The following OXR1 variants were observed in gnomAD, a reference collection of about 807,000 sequenced individuals.
OXR1 encodes the protein oxidation resistance protein 1.
A neutral mutation model predicts 104.6 loss-of-function variants in OXR1; 41 were observed. The observed-to-expected ratio is 0.39, with a 90% CI of 0.31 to 0.51. OXR1 has a LOEUF of 0.51. OXR1 is among the 20% of genes least tolerant of loss of function. The pLI is 0.77. For missense variants in OXR1, 955 were observed against 1,031.9 expected (o/e 0.93, Z 1.02); for synonymous variants, 348 against 348.4 (o/e 1.00, Z 0.01).
chr8:106,526,941 A>G (rs753862615), intron 3 of OXR1, among the ~76,000 whole-genome samples: 1 of 152,138 alleles, frequency 6.6e-6, no homozygotes, highest in Non-Finnish European at 1.5e-5. Flanking sequence ...AAGGCCATGA[A>G]AGCTGTGTAG....
intron 2 of OXR1, among the ~76,000 whole-genome samples, chr8:106,427,157 C>A (rs1233137232): frequency 1.3e-5 from 2 of 151,944 alleles, no homozygotes; most frequent in Non-Finnish European, 2.9e-5. Flanking sequence ...ACTCATCTCT[C>A]CTCATGAATT....
intron 8 of OXR1, among the ~76,000 whole-genome samples, chr8:106,705,150 CTT>C (rs1831024418): frequency 1.3e-5 from 2 of 152,260 alleles, no homozygotes; most frequent in South Asian, 4.1e-4. Context: ...ATGTTTATCT[CTT>C]ACCTAAGGGT....
At chr8:106,290,397 G>T (rs1027227730) in intron 1 of OXR1, among the ~76,000 whole-genome samples, 2 of 152,150 alleles carry the variant, frequency 1.3e-5, no homozygotes, top group African/African-American at 4.8e-5. Context: ...CTTTGGCAAA[G>T]AATGTTTTGC....
chr8:106,387,047 C>T (rs1272206421), intron 2 of OXR1, among the ~76,000 whole-genome samples: 1 of 152,070 alleles, frequency 6.6e-6, no homozygotes, highest in Non-Finnish European at 1.5e-5. Flanking sequence ...ACAGAAAGGA[C>T]AAGAGTTAGC....
chr8:106,589,823 TG>T (rs1395492950), intron 3 of OXR1, among the ~76,000 whole-genome samples: 2 of 152,228 alleles, frequency 1.3e-5, no homozygotes, highest in Non-Finnish European at 2.9e-5. Context: ...TATGCCACCA[TG>T]CCCGACTAAT....
At chr8:106,443,312 A>C (rs1819870504) in intron 2 of OXR1, among the ~76,000 whole-genome samples, 1 of 151,940 alleles carries the variant, frequency 6.6e-6, no homozygotes, top group Admixed American at 6.6e-5. Context: ...TTTGCTGAGG[A>C]TCATTTTACT....
intron 3 of OXR1, among the ~76,000 whole-genome samples, chr8:106,668,893 G>A (rs953254474): frequency 3.9e-5 from 6 of 152,102 alleles, no homozygotes; most frequent in East Asian, 3.9e-4. Context: ...TGTGTTGTGC[G>A]TGCAAATCAA....
intron 11 of OXR1, chr8:106,726,261 T>TG: frequency 6.5e-7 from 1 of 1,528,174 alleles, no homozygotes; most frequent in Non-Finnish European, 8.8e-7. Flanking sequence ...GTCTCTGGTA[T>TG]GGGAAAAAAG....
chr8:106,670,691 T>A (rs1357882750), intron 3 of OXR1, among the ~76,000 whole-genome samples: 1 of 151,812 alleles, frequency 6.6e-6, no homozygotes, highest in African/African-American at 2.4e-5. Context: ...GAAAGGTAAG[T>A]CAAAAGGGAA....
At chr8:106,622,922 T>C (rs1399944499) in intron 3 of OXR1, among the ~76,000 whole-genome samples, 1 of 152,238 alleles carries the variant, frequency 6.6e-6, no homozygotes, top group Non-Finnish European at 1.5e-5. Flanking sequence ...ATTTGTTGAA[T>C]ATATCCTCAG....
chr8:106,551,283 G>T (rs1372671040), intron 3 of OXR1, among the ~76,000 whole-genome samples: 1 of 152,102 alleles, frequency 6.6e-6, no homozygotes, highest in Non-Finnish European at 1.5e-5. Flanking sequence ...CTCAATAATT[G>T]CTGTGATTAG....
intron 11 of OXR1, among the ~76,000 whole-genome samples, chr8:106,725,624 C>G (rs1490946248): frequency 6.6e-6 from 1 of 152,152 alleles, no homozygotes; most frequent in Non-Finnish European, 1.5e-5. Flanking sequence ...GAGGGATTTT[C>G]AGGTCACTTT....
intron 11 of OXR1, among the ~76,000 whole-genome samples, chr8:106,735,343 A>G (rs943535690): frequency 6.6e-6 from 1 of 152,114 alleles, no homozygotes; most frequent in African/African-American, 2.4e-5. Context: ...TTGAAAGAGT[A>G]GATTTGTGAC....
intron 2 of OXR1, among the ~76,000 whole-genome samples, chr8:106,518,575 G>A (rs1171391725): frequency 6.6e-6 from 1 of 152,044 alleles, no homozygotes; most frequent in Admixed American, 6.6e-5. Flanking sequence ...TCTTTTTGGA[G>A]TTAACATTTA....
At chr8:106,299,223 A>G (rs774376058) in intron 1 of OXR1, among the ~76,000 whole-genome samples, 2 of 151,798 alleles carry the variant, frequency 1.3e-5, no homozygotes, top group Non-Finnish European at 2.9e-5. Flanking sequence ...AATACTACCT[A>G]TCTTTTAACA....
rs561066742 is a variant in OXR1 at position 106,469,770 on chromosome 8, A to C, written c.24-49173A>C. Reference sequence around the variant, plus strand: ...CAAAAACAGGCAACAGATATATCTTACGATATGTTGGTAAAGCCTGAAATA... The same window carrying C: ...CAAAAACAGGCAACAGATATATCTTCCGATATGTTGGTAAAGCCTGAAATA... On this transcript the variant is annotated intron_variant, in intron 2 of 16. Transcript: ENST00000517566. 2.0e-5 allele frequency among the ~76,000 whole-genome samples: 3 copies of C among 151,978 alleles called. No individual in the cohort carries two copies. The South Asian group carries it at 6.2e-4, about 31-fold the overall frequency.
chr8:106,594,588 G>A (rs1819367285), intron 3 of OXR1, among the ~76,000 whole-genome samples: 1 of 152,150 alleles, frequency 6.6e-6, no homozygotes, highest in South Asian at 2.1e-4. Flanking sequence ...TCTGCCTTCA[G>A]TGTGAGTACA....
At chr8:106,353,392 T>TAA (rs1815820392) in intron 1 of OXR1, among the ~76,000 whole-genome samples, 1 of 150,310 alleles carries the variant, frequency 6.7e-6, no homozygotes, top group African/African-American at 2.4e-5. Context: ...ATAATAATAA[T>TAA]TTAACTATAT....
chr8:106,551,789 C>CATATATATATAT (rs200289561), intron 3 of OXR1, among the ~76,000 whole-genome samples: 12 of 127,300 alleles, frequency 9.4e-5, no homozygotes, highest in African/African-American at 3.6e-4. Context: ...CTCCACTATA[C>CATATATATATAT]ATATATATAT....
Sources: gnomAD v4.1 joint callset for allele counts (sites outside exome capture counted in the v4.1 genomes callset) on GRCh38, gnomAD v4.1.1 for gene constraint, MANE v1.5 for transcripts, NCBI Gene and HGNC (gene_info 2026-07-23, HGNC 2026-07-21) for gene names.